The following RANBP2 variants were observed in gnomAD, a reference collection of about 807,000 sequenced individuals.
RANBP2 encodes the protein RAN binding protein 2.
Under a neutral mutation model 303.6 loss-of-function variants are expected in RANBP2, and 57 were observed. The ratio of observed to expected loss-of-function variants is 0.19; its 90% CI spans 0.15 to 0.23. The LOEUF (loss-of-function observed/expected upper bound fraction) is 0.23. Among genes scored for constraint, RANBP2 ranks in the 10% least tolerant of loss-of-function variants. The pLI is 1.00. For missense variants in RANBP2, 3,138 were observed against 3,780.8 expected (o/e 0.83, Z 4.46); for synonymous variants, 1,167 against 1,301.5 (o/e 0.90, Z 2.23).
the RANBP2 span, among the ~76,000 whole-genome samples, chr2:108,917,863 C>T: frequency 2.0e-5 from 3 of 152,150 alleles, no homozygotes; most frequent in Non-Finnish European, 4.4e-5. Context: ...AAGGCACCTG[C>T]AGAGCCTGAA....
At chr2:109,346,835 G>C in the RANBP2 span, among the ~76,000 whole-genome samples, 2 of 152,334 alleles carry the variant, frequency 1.3e-5, no homozygotes, top group African/African-American at 4.8e-5. Context: ...GAACATCACT[G>C]TTAGGAGGAT....
the RANBP2 span, among the ~76,000 whole-genome samples, chr2:109,405,200 G>A: frequency 2.6e-5 from 4 of 152,062 alleles, no homozygotes; most frequent in East Asian, 1.9e-4. Context: ...CTGGAGAGAC[G>A]CCTCAACTTC....
At chr2:108,833,722 TA>T in the RANBP2 span, among the ~76,000 whole-genome samples, 4 of 119,494 alleles carry the variant, frequency 3.3e-5, no homozygotes, top group African/African-American at 9.5e-5. Flanking sequence ...TAATGTGGAG[TA>T]AACTTTTTTT....
chr2:108,850,919 A>G, the RANBP2 span, among the ~76,000 whole-genome samples: 1 of 151,840 alleles, frequency 6.6e-6, no homozygotes, highest in African/African-American at 2.4e-5. Context: ...GCTCCAATTC[A>G]CTTCTGACAC....
At chr2:109,697,225 C>A in the RANBP2 span, among the ~76,000 whole-genome samples, 1 of 152,216 alleles carries the variant, frequency 6.6e-6, no homozygotes, top group African/African-American at 2.4e-5. Flanking sequence ...CGCAGTAGCT[C>A]ATGCCTGTAA....
the RANBP2 span, among the ~76,000 whole-genome samples, chr2:109,601,157 C>T: frequency 5.9e-5 from 9 of 152,220 alleles, no homozygotes; most frequent in Non-Finnish European, 1.3e-4. Context: ...CTTTCAGCCC[C>T]TCTCCCTTTC....
the RANBP2 span, among the ~76,000 whole-genome samples, chr2:109,249,465 T>TTCTCTCTC: frequency 8.0e-6 from 1 of 125,646 alleles, no homozygotes; most frequent in African/African-American, 3.1e-5. Context: ...CTTTCTCTCT[T>TTCTCTCTC]TCTCTTTCTT....
the RANBP2 span, among the ~76,000 whole-genome samples, chr2:109,723,160 C>A: frequency 6.6e-6 from 1 of 151,638 alleles, no homozygotes; most frequent in Admixed American, 6.6e-5. Flanking sequence ...TTTTCTTTTT[C>A]TACTTTTTTG....
chr2:108,908,051 TGCCTGGGGGGGCTGCAG>T, the RANBP2 span: 1 of 1,584,796 alleles, frequency 6.3e-7, no homozygotes, highest in Non-Finnish European at 8.6e-7. Context: ...TCATTAGCAG[TGCCTGGGGGGGCTGCAG>T]CCCTGACAAG....
chr2:109,036,409 C>T, the RANBP2 span, among the ~76,000 whole-genome samples: 1,292 of 152,278 alleles, frequency 8.5e-3, 25 homozygotes, highest in South Asian at 0.07. Context: ...AGACCACTAT[C>T]TCTATAAATT....
the RANBP2 span, chr2:109,574,528 C>T: frequency 3.9e-6 from 4 of 1,034,354 alleles, no homozygotes; most frequent in African/African-American, 1.7e-5. Context: ...AATATTTTAA[C>T]AGTTAAAAAT....
chr2:109,778,515 A>G, the RANBP2 span, among the ~76,000 whole-genome samples: 1 of 150,078 alleles, frequency 6.7e-6, no homozygotes, highest in Non-Finnish European at 1.5e-5. Flanking sequence ...AAGACCAGCT[A>G]GAAACATCTT....
the RANBP2 span, among the ~76,000 whole-genome samples, chr2:109,374,005 G>C: frequency 2.0e-5 from 3 of 152,162 alleles, no homozygotes; most frequent in Non-Finnish European, 4.4e-5. Context: ...TGGGGAGTCA[G>C]CCGCATCTGT....
At chr2:109,544,660 A>G in the RANBP2 span, 1 of 912,098 alleles carries the variant, frequency 1.1e-6, no homozygotes. Flanking sequence ...AAAGGAAAAA[A>G]GGTATTAATA....
chr2:109,400,024 G>A, the RANBP2 span, among the ~76,000 whole-genome samples: 11 of 152,326 alleles, frequency 7.2e-5, no homozygotes, highest in East Asian at 9.6e-4. Flanking sequence ...GAGCAAGGGC[G>A]CTGATCTGCG....
chr2:109,615,342 G>A, the RANBP2 span: 45 of 1,612,210 alleles, frequency 2.8e-5, no homozygotes, highest in Middle Eastern at 1.6e-4. Context: ...CAGCCTGGAG[G>A]GCTTGCTCAC....
At chr2:108,952,185 G>A in the RANBP2 span, among the ~76,000 whole-genome samples, 1 of 152,172 alleles carries the variant, frequency 6.6e-6, no homozygotes, top group East Asian at 1.9e-4. Context: ...GAGAATTTCA[G>A]GTATGAGCAC....
At chr2:109,343,932 T>C in the RANBP2 span, among the ~76,000 whole-genome samples, 1 of 152,048 alleles carries the variant, frequency 6.6e-6, no homozygotes, top group Non-Finnish European at 1.5e-5. Context: ...TTTTTAGAGA[T>C]AGGGTCTCAG....
At chr2:108,735,361 T>C (rs1294980511) in intron 4 of RANBP2, among the ~76,000 whole-genome samples, 171 bp from the exon 5 acceptor site, 3 of 152,208 alleles carry the variant, frequency 2.0e-5, no homozygotes, top group Non-Finnish European at 4.4e-5. Flanking sequence ...TGAGGCTTAG[T>C]TTCTGGGTTG....
Sources: allele counts gnomAD v4.1 joint callset (sites outside exome capture counted in the v4.1 genomes callset), GRCh38; gene constraint gnomAD v4.1.1; transcripts MANE v1.5; gene names NCBI Gene and HGNC (gene_info 2026-07-23, HGNC 2026-07-21).